The following ZNF385A variants were observed in gnomAD, a reference collection of about 807,000 sequenced individuals.
ZNF385A encodes zinc finger protein 385A.
In ZNF385A, 14 loss-of-function variants were observed where a neutral mutation model predicts 32.1. The ratio of observed to expected loss-of-function variants is 0.44; its 90% CI spans 0.29 to 0.68. The LOEUF (loss-of-function observed/expected upper bound fraction) is 0.68, where lower values mean the gene tolerates loss of function less well. ZNF385A is among the 30% of genes least tolerant of loss of function. The pLI is 0.14. For missense variants in ZNF385A, 406 were observed against 478.4 expected, an observed-to-expected ratio of 0.85 and a Z score of 1.41; for synonymous variants, 197 against 202.7, an observed-to-expected ratio of 0.97 and a Z score of 0.24.
At chr12:54,386,282 C>T (rs1305445435), upstream of ZNF385A, among the ~76,000 whole-genome samples, 2 of 151,524 alleles carry the variant, frequency 1.3e-5, no homozygotes, top group Non-Finnish European at 2.9e-5. Context: ...ACTGAGGAAT[C>T]GGACAGTGAC....
intron 3 of ZNF385A, among the ~76,000 whole-genome samples, chr12:54,373,767 T>C (rs573192633): frequency 1.3e-4 from 20 of 152,238 alleles, no homozygotes; most frequent in Admixed American, 3.3e-4. Flanking sequence ...CAGTGGGGAC[T>C]CTGTTGAGAG....
At position 54,371,452 on chromosome 12, in the gene ZNF385A, TG is replaced by T. The variant is rs760746747; in HGVS notation, c.604+20del. 1.1e-5 allele frequency: 17 copies of T among 1,593,498 alleles called. No individual in the cohort carries two copies. ...TGGCCTGAGGACAGGAGAGTCTGGGTGGGGGCAGGGGAGTCCATACCTTTGT... is the reference window on the plus strand; with the variant it reads ...TGGCCTGAGGACAGGAGAGTCTGGGTGGGGCAGGGGAGTCCATACCTTTGT... On this transcript the variant is annotated intron_variant, in intron 4 of 6. Transcript: ENST00000394313.
chr12:54,385,758 T>C (rs1955451494), upstream of ZNF385A: 1 of 746,702 alleles, frequency 1.3e-6, no homozygotes, highest in Non-Finnish European at 1.6e-6. Flanking sequence ...CCCCTTCCCT[T>C]GGTTCTGCCC....
intron 1 of ZNF385A, among the ~76,000 whole-genome samples, chr12:54,389,857 G>A (rs577624572): frequency 6.6e-6 from 1 of 152,224 alleles, no homozygotes; most frequent in East Asian, 1.9e-4. Context: ...AAGGAGGCAG[G>A]CAACCAGCCA....
chr12:54,370,800 C>T lies in ZNF385A; in HGVS notation c.775-79G>A. On this transcript the variant is annotated intron_variant, in intron 5 of 6. Coordinates refer to ENST00000394313, the MANE Select transcript of ZNF385A (RefSeq NM_015481.3). The surrounding 1 kb of genome is among the most constrained non-coding windows in gnomAD (Gnocchi z 5.5). ...AGGGAGTATAATCAAGCTCCAAGCACCGGCCCCCTCCCATCTGGCCCCCTG... is the reference window on the plus strand; with the variant it reads ...AGGGAGTATAATCAAGCTCCAAGCATCGGCCCCCTCCCATCTGGCCCCCTG... The T allele has an allele frequency of 1.3e-6, 2 of 1,591,448 alleles. No homozygotes were observed. Among genetic ancestry groups the T allele is most frequent in the Non-Finnish European group, 1.7e-6 (2 of 1,169,856 alleles).
rs1006507357 is a variant in ZNF385A, at chr12:54,384,593, G to C, written c.-79C>G. ...AAGGGCAGAGAAAACATTCTGTGGG[G>C]TAGGAAGATTAAAGCTTGGGAACCC... On this transcript the variant is annotated 5_prime_UTR_variant, in exon 1 of 7. Coordinates refer to ENST00000394313, the MANE Select transcript of ZNF385A (RefSeq NM_015481.3). The C allele has an allele frequency of 7.0e-7, 1 of 1,432,770 alleles. No homozygotes were observed. Among genetic ancestry groups the C allele is most frequent in the Admixed American group, 3.1e-5 (1 of 32,588 alleles). The allele number at this position is 1,432,770 out of a possible 1,614,324, so 88.8% of individuals were successfully genotyped here. A position where few individuals can be genotyped will look rare whatever the true frequency, so the allele number is the denominator to read the frequency against.
Position 54,375,927 on chromosome 12 carries a change from A to G in ZNF385A, c.115T>C (p.Ser39Pro). The G allele has an allele frequency of 6.2e-7, 1 of 1,614,140 alleles. No individual in the cohort carries two copies. Among genetic ancestry groups the G allele is most frequent in the Non-Finnish European group, 8.5e-7 (1 of 1,180,028 alleles). Residue 39 changes from serine to proline, a missense_variant, in exon 2 of 7, where the codon TCC (serine) becomes CCC (proline). Physicochemically the swap from Ser to Pro is moderately conservative, Grantham distance 74. Transcript: ENST00000394313. ...AGCAAGGGTCCCCCAAAAGTGTGGG[A>G]GAGCACAGCCTTCTGCACAGGGTCC... ...TMDPVQKAVLSHTFGGPLLKT... is the reference protein window; with the variant it reads ...TMDPVQKAVLPHTFGGPLLKT...
In ZNF385A at chr12:54,371,094, T is replaced by C. The variant is rs763359783; in HGVS notation, c.607A>G (p.Thr203Ala). 1 of 1,597,372 alleles carries C rather than the reference T, an allele frequency of 6.3e-7. No homozygotes were observed. Among genetic ancestry groups the C allele is most frequent in the Non-Finnish European group, 8.5e-7 (1 of 1,173,432 alleles). Reference protein sequence around the residue: ...LSQLEAHNKGTKHKTILEARS... With the variant: ...LSQLEAHNKGAKHKTILEARS... ...GCCTCCAGAATTGTCTTGTGCTTAG[T>C]ACCTGGAGCCCAGAGAGGGCAGGAG... Residue 203 changes from threonine (T) to alanine (A), a missense_variant and splice_region_variant, in exon 5 of 7, where the codon ACT (threonine) becomes GCT (alanine). By Grantham distance (58) the Thr-to-Ala change is moderately conservative. Transcript: ENST00000394313.
At chr12:54,383,989 C>T (rs1367218588) in intron 1 of ZNF385A, among the ~76,000 whole-genome samples, 1 of 152,196 alleles carries the variant, frequency 6.6e-6, no homozygotes, top group South Asian at 2.1e-4. Context: ...AAGCCCTATC[C>T]CACTGATGCT....
At chr12:54,385,034 A>G (rs116314264), upstream of ZNF385A, 2,641 of 361,904 alleles carry the variant, frequency 7.3e-3, 61 homozygotes, top group African/African-American at 0.054. Flanking sequence ...TGAGACTTAG[A>G]TTTGGAGGGG....
chr12:54,378,952 G>T (rs897474842), intron 1 of ZNF385A: 8 of 655,020 alleles, frequency 1.2e-5, no homozygotes, highest in Non-Finnish European at 1.9e-6. Flanking sequence ...CGGACAGCCC[G>T]AGGACTAGGC....
chr12:54,375,133 C>G (rs550065618), intron 2 of ZNF385A, among the ~76,000 whole-genome samples: 2 of 152,176 alleles, frequency 1.3e-5, no homozygotes, highest in South Asian at 4.2e-4. Flanking sequence ...TTTTCCCCTA[C>G]TCAGCAGAAC....
intron 1 of ZNF385A, among the ~76,000 whole-genome samples, chr12:54,376,248 C>T (rs1243716936): frequency 6.6e-6 from 1 of 152,138 alleles, no homozygotes; most frequent in African/African-American, 2.4e-5. Flanking sequence ...GGATTCCTGC[C>T]TTGGTCCATC....
At chr12:54,378,510 G>T (rs1954960022) in intron 1 of ZNF385A, among the ~76,000 whole-genome samples, 1 of 152,308 alleles carries the variant, frequency 6.6e-6, no homozygotes, top group African/African-American at 2.4e-5. Context: ...ACCAGATCAG[G>T]AACAGGAGGG....
Position 54,370,221 on chromosome 12 carries a change from G to T in ZNF385A, c.*35C>A. ...CCGGACGCCTGGGTCCCGGCTGGAG[G>T]TGGGGAGTTGAATGGGAGGGGTTCA... On this transcript the variant is annotated 3_prime_UTR_variant, in exon 7 of 7. Transcript: ENST00000394313. This position sits in a 1 kb window ranked among gnomAD's most constrained non-coding sequence, Gnocchi z 5.5. 7.1e-7 allele frequency: 1 copy of T among 1,400,294 alleles called. No individual in the cohort carries two copies. The highest frequency in any genetic ancestry group is 9.3e-7 in the Non-Finnish European group (1 of 1,070,180). The allele number at this position is 1,400,294 out of a possible 1,614,324, so 86.7% of individuals were successfully genotyped here.
At chr12:54,389,284 A>T (rs960499407), upstream of ZNF385A, among the ~76,000 whole-genome samples, 1 of 152,166 alleles carries the variant, frequency 6.6e-6, no homozygotes, top group African/African-American at 2.4e-5. Context: ...TACCATGCAC[A>T]TGGATTCAGA....
At chr12:54,385,573 G>A (rs1040313478), upstream of ZNF385A, 60 of 930,394 alleles carry the variant, frequency 6.4e-5, no homozygotes, top group African/African-American at 3.6e-4. Flanking sequence ...AAGGCAAACC[G>A]AGGAGGCTGC....
In ZNF385A at chr12:54,378,375, C is replaced by T. The variant is rs138774109; in HGVS notation, c.88-2421G>A. Among the ~76,000 whole-genome samples, 712 of 152,224 alleles carry T rather than the reference C, an allele frequency of 4.7e-3. 5 individuals are homozygous for T. Among genetic ancestry groups the T allele is most frequent in the African/African-American group, 0.016 (683 of 41,536 alleles). ...CTTCCCTGGGATGCTGGCTTGGACACGGCCTCGAAAGGTCCATAAAACAGT... is the reference window on the plus strand; with the variant it reads ...CTTCCCTGGGATGCTGGCTTGGACATGGCCTCGAAAGGTCCATAAAACAGT... On this transcript the variant is annotated intron_variant, in intron 1 of 6. Transcript: ENST00000394313.
chr12:54,391,165 AG>A (rs1316357507), intron 1 of ZNF385A: 5 of 1,419,980 alleles, frequency 3.5e-6, no homozygotes, highest in Admixed American at 2.6e-5. Flanking sequence ...GAGATGGTGG[AG>A]GGGGGCGGTG....
Sources: allele counts gnomAD v4.1 joint callset (sites outside exome capture counted in the v4.1 genomes callset), GRCh38; gene constraint gnomAD v4.1.1; non-coding constraint Gnocchi (gnomAD v3.1); transcripts MANE v1.5; gene names NCBI Gene and HGNC (gene_info 2026-07-23, HGNC 2026-07-21).